GTF2F2: variants seen among roughly 807,000 people sequenced by gnomAD.
The protein encoded by GTF2F2 is ATP-dependent helicase GTF2F2.
Under a neutral mutation model 42.2 loss-of-function variants are expected in GTF2F2, and 23 were observed. The observed-to-expected ratio is 0.55, with a 90% CI of 0.39 to 0.77. The LOEUF (loss-of-function observed/expected upper bound fraction) is 0.77. GTF2F2 is among the 30% of genes least tolerant of loss of function. The pLI is 0.00. For synonymous variants in GTF2F2, 105 were observed against 100.8 expected (o/e 1.04, Z -0.25); for missense variants, 261 against 287.2 (o/e 0.91, Z 0.66).
chr13:45,256,027 TTAAGA>T (rs1876090429), intron 6 of GTF2F2, among the ~76,000 whole-genome samples: 1 of 152,172 alleles, frequency 6.6e-6, no homozygotes. Context: ...TCTCTATTAT[TTAAGA>T]TAGGAAAAGA....
At chr13:45,191,637 CCAAGTACAAGTA>C (rs1372347478) in intron 4 of GTF2F2, among the ~76,000 whole-genome samples, 1 of 151,810 alleles carries the variant, frequency 6.6e-6, no homozygotes, top group East Asian at 1.9e-4. Flanking sequence ...ATATATAAAT[CCAAGTACAAGTA>C]ATTTGGAATT....
intron 4 of GTF2F2, among the ~76,000 whole-genome samples, chr13:45,154,492 A>G (rs75738061): frequency 0.029 from 4,353 of 152,226 alleles, 190 homozygotes; most frequent in African/African-American, 0.093. Context: ...TGGGGCTTGG[A>G]CAGTATGTTC....
At chr13:45,128,159 A>T (rs1449261642) in intron 1 of GTF2F2, among the ~76,000 whole-genome samples, 13 of 133,378 alleles carry the variant, frequency 9.7e-5, no homozygotes, top group Non-Finnish European at 2.1e-4. Flanking sequence ...ATGGGGTTTC[A>T]CCATGTTAGC....
rs150059987 is a variant in GTF2F2, at chr13:45,242,891, AGATT to A, written c.387-9977_387-9974del. 4.0e-3 allele frequency among the ~76,000 whole-genome samples: 611 copies of A among 152,360 alleles called. 6 individuals carry two copies. The highest frequency in any genetic ancestry group is 6.9e-3 in the Non-Finnish European group (471 of 68,034). On this transcript the variant is annotated intron_variant, in intron 5 of 7. Coordinates refer to ENST00000340473, the MANE Select transcript of GTF2F2 (RefSeq NM_004128.3). The stretch of plus-strand genomic sequence containing the variant: ...TCTCTTCCAAATCTGCCAGCAGTTT[AGATT>A]GAGAGTTTGGCATTTTTTCGTTTAG...
At chr13:45,209,718 G>T (rs1318685906) in intron 5 of GTF2F2, among the ~76,000 whole-genome samples, 1 of 152,140 alleles carries the variant, frequency 6.6e-6, no homozygotes, top group East Asian at 1.9e-4. Context: ...ACAAAAGCCG[G>T]GTTGAATGTC....
intron 5 of GTF2F2, among the ~76,000 whole-genome samples, chr13:45,220,687 C>T (rs1172576302): frequency 6.6e-6 from 1 of 151,896 alleles, no homozygotes; most frequent in Non-Finnish European, 1.5e-5. Flanking sequence ...CATAGAATTG[C>T]CTGGTCGGTT....
Position 45,120,595 on chromosome 13 carries a change from T to G in GTF2F2, c.-61T>G. The G allele has an allele frequency of 3.9e-6, 5 of 1,292,694 alleles. No individual in the cohort carries two copies. 80.1% of individuals were successfully genotyped at this position (1,292,694 alleles called of 1,614,324 possible). A position where few individuals can be genotyped will look rare whatever the true frequency, so the allele number is the denominator to read the frequency against. On this transcript the variant is annotated 5_prime_UTR_variant, in exon 1 of 8. Coordinates refer to ENST00000340473, the MANE Select transcript of GTF2F2 (RefSeq NM_004128.3). ...GTCCTTTGTTCCGGACGCCCGCTCC[T>G]CAGCCCTGCGGCTCCTGGGGTCGCT...
chr13:45,167,645 G>A (rs921064035), intron 4 of GTF2F2, among the ~76,000 whole-genome samples: 13 of 152,024 alleles, frequency 8.6e-5, no homozygotes, highest in South Asian at 2.1e-4. Context: ...TGATCTGCCC[G>A]CCTGGGCCTC....
chr13:45,163,632 A>G (rs916094865), intron 4 of GTF2F2, among the ~76,000 whole-genome samples: 4 of 152,184 alleles, frequency 2.6e-5, no homozygotes, highest in Non-Finnish European at 4.4e-5. Flanking sequence ...TAAAAATTTC[A>G]TTTCCTTTGG....
chr13:45,255,881 TA>T (rs1181401133), intron 6 of GTF2F2, among the ~76,000 whole-genome samples: 1 of 152,186 alleles, frequency 6.6e-6, no homozygotes. Flanking sequence ...AAAGAGTTGT[TA>T]CCTTTCTAGA....
intron 4 of GTF2F2, among the ~76,000 whole-genome samples, chr13:45,172,756 A>C (rs554254377): frequency 6.6e-6 from 1 of 152,138 alleles, no homozygotes; most frequent in East Asian, 1.9e-4. Context: ...AAATTAGTTG[A>C]TCAGGAGTTG....
chr13:45,177,370 C>G (rs1336268658), intron 4 of GTF2F2, among the ~76,000 whole-genome samples: 3 of 152,146 alleles, frequency 2.0e-5, no homozygotes, highest in Non-Finnish European at 1.5e-5. Flanking sequence ...CCGTGGTCCA[C>G]TGAGGTCCAA....
chr13:45,157,052 G>A (rs1870796345), intron 4 of GTF2F2, among the ~76,000 whole-genome samples: 1 of 152,130 alleles, frequency 6.6e-6, no homozygotes, highest in African/African-American at 2.4e-5. Flanking sequence ...AAGTAGGCTC[G>A]GGAGTATCAG....
chr13:45,238,508 T>G (rs1875111818), intron 5 of GTF2F2, among the ~76,000 whole-genome samples: 1 of 152,152 alleles, frequency 6.6e-6, no homozygotes, highest in African/African-American at 2.4e-5. Flanking sequence ...ATGCTGTCCC[T>G]TATGCCTCCC....
intron 6 of GTF2F2, among the ~76,000 whole-genome samples, chr13:45,266,305 G>T (rs1876557416): frequency 6.6e-6 from 1 of 152,170 alleles, no homozygotes; most frequent in African/African-American, 2.4e-5. Flanking sequence ...CAGAAAAATG[G>T]TTTGCTTGTG....
At chr13:45,271,079 T>G (rs942539793) in intron 7 of GTF2F2, among the ~76,000 whole-genome samples, 1 of 152,074 alleles carries the variant, frequency 6.6e-6, no homozygotes, top group Non-Finnish European at 1.5e-5. Context: ...GATCACGAGG[T>G]CAGGAGATCG....
intron 4 of GTF2F2, among the ~76,000 whole-genome samples, chr13:45,164,109 G>A (rs907328434): frequency 6.6e-6 from 1 of 152,006 alleles, no homozygotes; most frequent in Non-Finnish European, 1.5e-5. Flanking sequence ...GCGAAACCCC[G>A]TCTCTACTAA....
At position 45,175,511 on chromosome 13, in the gene GTF2F2, A is replaced by G. The variant is rs1253393119; in HGVS notation, c.304+23680A>G. ...TCTGTTTTTTAGTGTTCTTTTTTAT[A>G]TATGTTTTATGTCCTGTAAAACATT... On this transcript the variant is annotated intron_variant, in intron 4 of 7. Coordinates refer to ENST00000340473, the MANE Select transcript of GTF2F2 (RefSeq NM_004128.3). Among the ~76,000 whole-genome samples the G allele has an allele frequency of 2.0e-5, 3 of 152,050 alleles. No homozygotes were observed. In the East Asian group the frequency reaches 5.8e-4, roughly 29 times the overall value.
intron 4 of GTF2F2, among the ~76,000 whole-genome samples, chr13:45,155,715 TA>T (rs1870724152): frequency 6.6e-6 from 1 of 152,228 alleles, no homozygotes; most frequent in African/African-American, 2.4e-5. Context: ...TATTTTGGGT[TA>T]CCCTTTCTTC....
Sources: gnomAD v4.1 joint callset for allele counts (sites outside exome capture counted in the v4.1 genomes callset) on GRCh38, gnomAD v4.1.1 for gene constraint, MANE v1.5 for transcripts, NCBI Gene and HGNC (gene_info 2026-07-23, HGNC 2026-07-21) for gene names.